Variants in NR4A2 observed in about 807,000 individuals in gnomAD.
The protein encoded by NR4A2 is NGFI-B/nur77 beta-type transcription factor homolog.
In NR4A2, 1 loss-of-function variant was observed where a neutral mutation model predicts 50.5. That is an observed-to-expected ratio of 0.02 (90% CI 0.01 to 0.09). The LOEUF (loss-of-function observed/expected upper bound fraction) is 0.09. Among genes scored for constraint, NR4A2 ranks in the 10% least tolerant of loss-of-function variants. The pLI is 1.00. For missense variants in NR4A2, 613 were observed against 777.3 expected (o/e 0.79, Z 2.51); for synonymous variants, 328 against 309.4 (o/e 1.06, Z -0.63).
chr2:156,327,760 C>G (rs574402823), intron 5 of NR4A2, 91 bp downstream of exon 5: 2 of 1,488,606 alleles, frequency 1.3e-6, no homozygotes, highest in Non-Finnish European at 1.8e-6. Context: ...TCTTTACCCC[C>G]GTTGAATCTG....
Position 156,326,387 on chromosome 2 carries a change from C to A in NR4A2, c.1362-59G>T. The A allele has an allele frequency of 6.8e-7, 1 of 1,467,990 alleles. No homozygotes were observed. Among genetic ancestry groups the A allele is most frequent in the Non-Finnish European group, 9.5e-7 (1 of 1,047,462 alleles). 90.9% of individuals were successfully genotyped at this position (1,467,990 alleles called of 1,614,324 possible). A position where few individuals can be genotyped will look rare whatever the true frequency, so the allele number is the denominator to read the frequency against. On this transcript the variant is annotated intron_variant, in intron 6 of 7. Coordinates refer to ENST00000339562, the MANE Select transcript of NR4A2 (RefSeq NM_006186.4). This position sits in a 1 kb window ranked among gnomAD's most constrained non-coding sequence, Gnocchi z 4.2. ...AAAGAGAGAGAGAAAAGCTAAACAACTAATTACTTGAAGAGCAATAAATGA... is the reference window on the plus strand; with the variant it reads ...AAAGAGAGAGAGAAAAGCTAAACAAATAATTACTTGAAGAGCAATAAATGA...
Position 156,330,681 on chromosome 2 carries a change from A to G in NR4A2, c.-16T>C, listed in dbSNP as rs1256581341. 2 of 1,272,468 alleles carry G rather than the reference A, an allele frequency of 1.6e-6. No individual in the cohort carries two copies. The highest frequency in any genetic ancestry group is 2.0e-6 in the Non-Finnish European group (2 of 1,010,068). The allele number at this position is 1,272,468 out of a possible 1,614,324, so 78.8% of individuals were successfully genotyped here. The stretch of plus-strand genomic sequence containing the variant: ...AGTTGCACTAACCTTCAGCCGAGTT[A>G]CAGGCGTTTTCGAGGAAATTAAAGG... On this transcript the variant is annotated 5_prime_UTR_variant, in exon 2 of 8. Transcript: ENST00000339562.
Position 156,328,670 on chromosome 2 carries a change from T to A in NR4A2, c.865-137A>T. The A allele has an allele frequency of 9.2e-7, 1 of 1,085,366 alleles. No individual in the cohort carries two copies. Among genetic ancestry groups the A allele is most frequent in the Non-Finnish European group, 1.4e-6 (1 of 735,932 alleles). The allele number at this position is 1,085,366 out of a possible 1,614,324, so 67.2% of individuals were successfully genotyped here. On this transcript the variant is annotated intron_variant, in intron 3 of 7. Transcript: ENST00000339562. The surrounding 1 kb of genome is among the most constrained non-coding windows in gnomAD (Gnocchi z 4.9). ...AACACATACACACAATTCCATTTTA[T>A]TTTTTTCTCTTCCTTTTCTTTCTTT... is the stretch of plus-strand genomic sequence containing the variant.
At position 156,327,071 on chromosome 2, in the gene NR4A2, T is replaced by G. The variant is rs1329689379; in HGVS notation, c.1159-151A>C. On this transcript the variant is annotated intron_variant, in intron 5 of 7. Coordinates refer to ENST00000339562, the MANE Select transcript of NR4A2 (RefSeq NM_006186.4). Reference sequence around the variant, plus strand: ...AGGAAATTAGATGTTCCGGGGCAATTAATTCAATTAGGGATGGTGCTACGA... The same window carrying G: ...AGGAAATTAGATGTTCCGGGGCAATGAATTCAATTAGGGATGGTGCTACGA... 4 of 752,846 alleles carry G rather than the reference T, an allele frequency of 5.3e-6. No homozygotes were observed. In the African/African-American group the frequency reaches 6.9e-5, roughly 13 times the overall value. 46.6% of individuals were successfully genotyped at this position (752,846 alleles called of 1,614,324 possible).
In NR4A2 at chr2:156,329,229, G is replaced by A. The variant is rs957077329; in HGVS notation, c.864+94C>T. ...AGCTGGGCAGTCCCGGGAGAGCTGGGGCTGGGCTACTGGCACCAAGGCAGA... is the reference window on the plus strand; with the variant it reads ...AGCTGGGCAGTCCCGGGAGAGCTGGAGCTGGGCTACTGGCACCAAGGCAGA... On this transcript the variant is annotated intron_variant, in intron 3 of 7. Coordinates refer to ENST00000339562, the MANE Select transcript of NR4A2 (RefSeq NM_006186.4). The surrounding 1 kb of genome is among the most constrained non-coding windows in gnomAD (Gnocchi z 7.5). 12 of 1,519,808 alleles carry A rather than the reference G, an allele frequency of 7.9e-6. No individual in the cohort carries two copies. The highest frequency in any genetic ancestry group is 4.6e-4 in the Middle Eastern group (2 of 4,344). The allele number at this position is 1,519,808 out of a possible 1,614,324, so 94.1% of individuals were successfully genotyped here. A position where few individuals can be genotyped will look rare whatever the true frequency, so the allele number is the denominator to read the frequency against.
chr2:156,328,073 C>G lies in NR4A2; in HGVS notation c.995-59G>C, dbSNP rs551170575. On this transcript the variant is annotated intron_variant, in intron 4 of 7. Transcript: ENST00000339562. The surrounding 1 kb of genome is among the most constrained non-coding windows in gnomAD (Gnocchi z 4.9). Reference sequence around the variant, plus strand: ...CCGAGCCCAGGCCCAGCTGCTGCCTCGGTCCCTCCCCGGGGAAGGCCGCAG... The same window carrying G: ...CCGAGCCCAGGCCCAGCTGCTGCCTGGGTCCCTCCCCGGGGAAGGCCGCAG... The G allele has an allele frequency of 1.3e-6, 2 of 1,564,734 alleles. No homozygotes were observed. The highest frequency in any genetic ancestry group is 1.4e-5 in the African/African-American group (1 of 73,960).
At chr2:156,330,644 G>A in intron 2 of NR4A2, 24 bp downstream of exon 2, 19 of 1,306,090 alleles carry the variant, frequency 1.5e-5, no homozygotes, top group Non-Finnish European at 1.7e-5. Context: ...GGAGAGTAAA[G>A]GAAAGAAATG....
Position 156,328,847 on chromosome 2 carries a change from T to C in NR4A2, c.865-314A>G, listed in dbSNP as rs1686773402. ...TACAAATCCGTGGGCATTCATATTA[T>C]TTACATTCCTTGGAGACCTTCTCTA... On this transcript the variant is annotated intron_variant, in intron 3 of 7. Transcript: ENST00000339562. This position sits in a 1 kb window ranked among gnomAD's most constrained non-coding sequence, Gnocchi z 4.9. 6.6e-6 allele frequency among the ~76,000 whole-genome samples: 1 copy of C among 152,170 alleles called. No homozygotes were observed. Among genetic ancestry groups the C allele is most frequent in the Admixed American group, 6.5e-5 (1 of 15,274 alleles).
In NR4A2 at chr2:156,332,465, G is replaced by A; in HGVS notation, c.-127+15C>T. On this transcript the variant is annotated intron_variant, in intron 1 of 7. Transcript: ENST00000339562. ...GCATAAAAGAAGGCGAACTGCATGG[G>A]CTGCATCTACTCACTTAGGAGTTCT... 7.8e-7 allele frequency: 1 copy of A among 1,288,260 alleles called. No individual in the cohort carries two copies. Among genetic ancestry groups the A allele is most frequent in the African/African-American group, 1.5e-5 (1 of 65,984 alleles). 79.8% of individuals were successfully genotyped at this position (1,288,260 alleles called of 1,614,324 possible). A position where few individuals can be genotyped will look rare whatever the true frequency, so the allele number is the denominator to read the frequency against.
At chr2:156,327,625 C>T (rs1363632872) in intron 5 of NR4A2, among the ~76,000 whole-genome samples, 3 of 152,136 alleles carry the variant, frequency 2.0e-5, no homozygotes, top group African/African-American at 4.8e-5. Context: ...AACCCTGTGG[C>T]GTGTCCCTCT....
At chr2:156,327,206 T>C (rs1686690564) in intron 5 of NR4A2, among the ~76,000 whole-genome samples, 1 of 152,184 alleles carries the variant, frequency 6.6e-6, no homozygotes, top group South Asian at 2.1e-4. Context: ...GACATGTTAG[T>C]ATTCATGCTA....
chr2:156,332,466 C>T lies in NR4A2; in HGVS notation c.-127+14G>A, dbSNP rs923174947. 1 of 1,288,486 alleles carries T rather than the reference C, an allele frequency of 7.8e-7. No homozygotes were observed. The highest frequency in any genetic ancestry group is 1.5e-5 in the African/African-American group (1 of 65,862). 79.8% of individuals were successfully genotyped at this position (1,288,486 alleles called of 1,614,324 possible). A position where few individuals can be genotyped will look rare whatever the true frequency, so the allele number is the denominator to read the frequency against. On this transcript the variant is annotated intron_variant, in intron 1 of 7. Coordinates refer to ENST00000339562, the MANE Select transcript of NR4A2 (RefSeq NM_006186.4). ...CATAAAAGAAGGCGAACTGCATGGG[C>T]TGCATCTACTCACTTAGGAGTTCTC...
rs1686980415 is a variant in NR4A2 at position 156,332,553 on chromosome 2, C to T, written c.-200G>A. The T allele has an allele frequency of 5.5e-6, 7 of 1,282,070 alleles. No individual in the cohort carries two copies. The highest frequency in any genetic ancestry group is 5.1e-6 in the Non-Finnish European group (5 of 982,560). 79.4% of individuals were successfully genotyped at this position (1,282,070 alleles called of 1,614,324 possible). On this transcript the variant is annotated 5_prime_UTR_variant, in exon 1 of 8. Coordinates refer to ENST00000339562, the MANE Select transcript of NR4A2 (RefSeq NM_006186.4). ...CAGTTCCCTCTGGGAGCCCGGGCGC[C>T]GGGGTCGGGTAGGGGTGGGAGAGCT... is the stretch of plus-strand genomic sequence containing the variant.
chr2:156,328,157 T>C lies in NR4A2; in HGVS notation c.995-143A>G. On this transcript the variant is annotated intron_variant, in intron 4 of 7. Transcript: ENST00000339562. This position sits in a 1 kb window ranked among gnomAD's most constrained non-coding sequence, Gnocchi z 4.9. ...CAGTGCTTGTAAAGCCTTCACTGAC[T>C]AGAAGCATTAAAAAATGCGGGGTTA... 1 of 1,179,022 alleles carries C rather than the reference T, an allele frequency of 8.5e-7. No homozygotes were observed. The highest frequency in any genetic ancestry group is 1.2e-6 in the Non-Finnish European group (1 of 822,036). 73.0% of individuals were successfully genotyped at this position (1,179,022 alleles called of 1,614,324 possible).
At chr2:156,327,032 C>T (rs1686681256) in intron 5 of NR4A2, 112 bp from the exon 6 acceptor site, 1 of 939,550 alleles carries the variant, frequency 1.1e-6, no homozygotes, top group Non-Finnish European at 1.7e-6. Context: ...AATTAAACCT[C>T]TCTCTGACCA....
In NR4A2 at chr2:156,328,292, C is replaced by T. The variant is rs1390876753; in HGVS notation, c.994+112G>A. 1.9e-6 allele frequency: 3 copies of T among 1,556,302 alleles called. No individual in the cohort carries two copies. The highest frequency in any genetic ancestry group is 2.7e-6 in the Non-Finnish European group (3 of 1,130,232). ...CAGCTGCAGGGTCCTGGAGGCCATA[C>T]TGAGGGGGAGTCGGAGATCCCCAGC... On this transcript the variant is annotated intron_variant, in intron 4 of 7. Transcript: ENST00000339562. This position sits in a 1 kb window ranked among gnomAD's most constrained non-coding sequence, Gnocchi z 4.9.
At position 156,326,797 on chromosome 2, in the gene NR4A2, C is replaced by T. The variant is rs1202943200; in HGVS notation, c.1282G>A (p.Ala428Thr). 7 of 1,614,184 alleles carry T rather than the reference C, an allele frequency of 4.3e-6. No individual in the cohort carries two copies. The highest frequency in any genetic ancestry group is 2.2e-5 in the East Asian group (1 of 44,882). Residue 428 changes from alanine to threonine, a missense_variant, in exon 6 of 8, where the codon GCA (alanine) becomes ACA (threonine). Physicochemically the swap from Ala to Thr is moderately conservative, Grantham distance 58 (BLOSUM62 0). This residue lies in a region of NR4A2 where 250 missense variants were observed against 311.3 expected (regional missense o/e 0.80). Transcript: ENST00000339562. This position sits in a 1 kb window ranked among gnomAD's most constrained non-coding sequence, Gnocchi z 4.2. ...TCTTGGTCGGCTTTGGGCAGGTCTGCGAAGCCAGGGATCTTCTCTGCCCAG... is the reference window on the plus strand; with the variant it reads ...TCTTGGTCGGCTTTGGGCAGGTCTGTGAAGCCAGGGATCTTCTCTGCCCAG... ...RGWAEKIPGF[A>T]DLPKADQDLL...
rs572563045 is a variant in NR4A2 at position 156,330,675 on chromosome 2, C to G, written c.-10G>C. 2.4e-6 allele frequency: 3 copies of G among 1,273,084 alleles called. No homozygotes were observed. The highest frequency in any genetic ancestry group is 3.0e-6 in the Non-Finnish European group (3 of 1,010,226). 78.9% of individuals were successfully genotyped at this position (1,273,084 alleles called of 1,614,324 possible). A position where few individuals can be genotyped will look rare whatever the true frequency, so the allele number is the denominator to read the frequency against. ...AAATGAAGTTGCACTAACCTTCAGC[C>G]GAGTTACAGGCGTTTTCGAGGAAAT... On this transcript the variant is annotated 5_prime_UTR_variant, in exon 2 of 8. Transcript: ENST00000339562.
At position 156,326,918 on chromosome 2, in the gene NR4A2, G is replaced by A. The variant is rs772814770; in HGVS notation, c.1161C>T (p.Phe387=). The A allele has an allele frequency of 5.0e-6, 8 of 1,613,946 alleles. No homozygotes were observed. The African/African-American group carries it at 1.1e-4, about 22-fold the overall frequency. Residue 387 remains phenylalanine (F), a splice_region_variant and synonymous_variant, in exon 6 of 8, where the codon TTC becomes TTT. Coordinates refer to ENST00000339562, the MANE Select transcript of NR4A2 (RefSeq NM_006186.4). This position sits in a 1 kb window ranked among gnomAD's most constrained non-coding sequence, Gnocchi z 4.2. ...PAMTSLDYSR[F]QANPDYQMSG... is the part of the protein sequence containing the mutation. Reference sequence around the variant, plus strand: ...TCATTTGATAGTCAGGGTTCGCCTGGAACTGGAATTTCATTTTAAAAAGCA... The same window carrying A: ...TCATTTGATAGTCAGGGTTCGCCTGAAACTGGAATTTCATTTTAAAAAGCA...
Sources: allele counts gnomAD v4.1 joint callset (sites outside exome capture counted in the v4.1 genomes callset), GRCh38; gene constraint gnomAD v4.1.1; regional missense constraint gnomAD v4.1.1; non-coding constraint Gnocchi (gnomAD v3.1); transcripts MANE v1.5; gene names NCBI Gene and HGNC (gene_info 2026-07-23, HGNC 2026-07-21).